NPEPPS: variants seen among roughly 807,000 people sequenced by gnomAD.
NPEPPS encodes the protein aminopeptidase puromycin sensitive.
Under a neutral mutation model 115.5 loss-of-function variants are expected in NPEPPS, and 14 were observed. That is an observed-to-expected ratio of 0.12 (90% CI 0.08 to 0.19). The LOEUF (loss-of-function observed/expected upper bound fraction) is 0.19, where lower values mean the gene tolerates loss of function less well. NPEPPS is among the 10% of genes least tolerant of loss of function. The pLI, the probability that NPEPPS is intolerant of heterozygous loss-of-function variation, is 1.00. For missense variants in NPEPPS, 523 were observed against 1,110.8 expected, an observed-to-expected ratio of 0.47 and a Z score of 7.52; for synonymous variants, 285 against 390.6, an observed-to-expected ratio of 0.73 and a Z score of 3.19.
intron 2 of NPEPPS, among the ~76,000 whole-genome samples, chr17:47,554,282 T>C (rs1273652502): frequency 6.6e-6 from 1 of 152,086 alleles, no homozygotes; most frequent in Admixed American, 6.6e-5. Flanking sequence ...TCAGGTGATC[T>C]TCCCCCCTCA....
intron 4 of NPEPPS, 147 bp downstream of exon 4, chr17:47,579,658 A>G: frequency 1.8e-6 from 1 of 554,990 alleles, no homozygotes; most frequent in South Asian, 2.1e-5. Flanking sequence ...TTTTATATTT[A>G]GCCATTATCT....
intron 5 of NPEPPS, among the ~76,000 whole-genome samples, chr17:47,584,318 G>A (rs557810091): frequency 1.8e-4 from 28 of 152,160 alleles, no homozygotes; most frequent in African/African-American, 6.5e-4. Flanking sequence ...GCGTAATGAA[G>A]TATATTTAGG....
Position 47,590,897 on chromosome 17 carries a change from TA to T in NPEPPS, c.1260+18del. 6.5e-6 allele frequency: 10 copies of T among 1,529,492 alleles called. No homozygotes were observed. Among genetic ancestry groups the T allele is most frequent in the Non-Finnish European group, 8.8e-6 (10 of 1,134,972 alleles). 94.7% of individuals were successfully genotyped at this position (1,529,492 alleles called of 1,614,324 possible). ...TCCTATTGAAGTGAGCCATACTTTC[TA>T]ACCATTAGCCTATGACTGCTCTCAT... On this transcript the variant is annotated intron_variant, in intron 10 of 22. Transcript: ENST00000322157.
At chr17:47,575,109 A>G (rs1342477549) in intron 3 of NPEPPS, among the ~76,000 whole-genome samples, 3 of 152,236 alleles carry the variant, frequency 2.0e-5, no homozygotes, top group South Asian at 2.1e-4. Context: ...AACATAGTAC[A>G]TTTACATAAT....
intron 1 of NPEPPS, among the ~76,000 whole-genome samples, chr17:47,537,894 TC>T (rs1297909598): frequency 1.3e-5 from 2 of 151,626 alleles, no homozygotes; most frequent in South Asian, 4.2e-4. Context: ...TTTTTTTTTT[TC>T]TTTTTTTTTT....
chr17:47,588,198 A>G (rs1249318415), intron 9 of NPEPPS, among the ~76,000 whole-genome samples: 1 of 152,236 alleles, frequency 6.6e-6, no homozygotes, highest in Non-Finnish European at 1.5e-5. Context: ...CAGAAAGTCA[A>G]CCCTTGAAAA....
intron 14 of NPEPPS, among the ~76,000 whole-genome samples, chr17:47,600,417 C>CA (rs1567865614): frequency 2.0e-5 from 3 of 152,236 alleles, no homozygotes; most frequent in South Asian, 2.1e-4. Flanking sequence ...GCCTGGGTGA[C>CA]ACGGCGAGAC....
intron 17 of NPEPPS, among the ~76,000 whole-genome samples, chr17:47,610,845 CTTTTTTTTTTTT>C (rs59893483): frequency 8.2e-4 from 82 of 100,084 alleles, no homozygotes; most frequent in Admixed American, 1.1e-3. Context: ...TATGATGACT[CTTTTTTTTTTTT>C]TTTTTTTTTT....
At chr17:47,545,149 TGGATACCATCACA>T (rs1909104753) in intron 1 of NPEPPS, among the ~76,000 whole-genome samples, 1 of 152,110 alleles carries the variant, frequency 6.6e-6, no homozygotes, top group African/African-American at 2.4e-5. Context: ...GGACTGTAGG[TGGATACCATCACA>T]CCCACCTAAT....
chr17:47,578,144 G>A (rs1422302034), intron 3 of NPEPPS, among the ~76,000 whole-genome samples: 1 of 149,580 alleles, frequency 6.7e-6, no homozygotes, highest in Non-Finnish European at 1.5e-5. Context: ...GGAGGCTGCA[G>A]TGAGCCGAGA....
chr17:47,559,539 T>C, intron 2 of NPEPPS: 1 of 397,646 alleles, frequency 2.5e-6, no homozygotes, highest in Non-Finnish European at 4.8e-6. Flanking sequence ...ATATGAATAG[T>C]TTGCTAGTAT....
chr17:47,538,928 T>A (rs1908546752), intron 1 of NPEPPS, among the ~76,000 whole-genome samples: 1 of 152,150 alleles, frequency 6.6e-6, no homozygotes, highest in Non-Finnish European at 1.5e-5. Context: ...ATTTCTTCCC[T>A]CTTGTATTTT....
At chr17:47,563,670 A>G (rs1910599477) in intron 2 of NPEPPS, among the ~76,000 whole-genome samples, 1 of 151,710 alleles carries the variant, frequency 6.6e-6, no homozygotes, top group Admixed American at 6.6e-5. Flanking sequence ...TCCCGAGTTC[A>G]CGCCATTTTC....
intron 15 of NPEPPS, among the ~76,000 whole-genome samples, chr17:47,602,771 G>A (rs1408551816): frequency 6.6e-6 from 1 of 151,508 alleles, no homozygotes; most frequent in Admixed American, 6.6e-5. Context: ...CTCCGGAGTA[G>A]CTAGGATTAT....
chr17:47,556,985 G>A (rs1420950370), intron 2 of NPEPPS, among the ~76,000 whole-genome samples: 1 of 152,082 alleles, frequency 6.6e-6, no homozygotes, highest in African/African-American at 2.4e-5. Flanking sequence ...CAGTTTTCTT[G>A]CTTTTTTTCT....
At chr17:47,532,642 G>A (rs1213814646) in intron 1 of NPEPPS, among the ~76,000 whole-genome samples, 1 of 130,024 alleles carries the variant, frequency 7.7e-6, no homozygotes, top group Non-Finnish European at 1.6e-5. Context: ...CTGGGCGACA[G>A]AGTGAGACTC....
At chr17:47,590,915 T>C in intron 10 of NPEPPS, 34 bp downstream of exon 10, 1 of 1,493,582 alleles carries the variant, frequency 6.7e-7, no homozygotes, top group Non-Finnish European at 9.0e-7. Context: ...AGCCTATGAC[T>C]GCTCTCATTT....
intron 1 of NPEPPS, among the ~76,000 whole-genome samples, chr17:47,536,704 C>CTTTTTTTTT (rs572115219): frequency 2.6e-5 from 2 of 76,842 alleles, no homozygotes; most frequent in Non-Finnish European, 4.6e-5. Flanking sequence ...TGCCTGGCTT[C>CTTTTTTTTT]TTTTTTTTTT....
intron 2 of NPEPPS, among the ~76,000 whole-genome samples, chr17:47,566,011 C>T (rs113407165): frequency 5.3e-5 from 8 of 152,062 alleles, no homozygotes; most frequent in African/African-American, 1.9e-4. Context: ...TCTTCTTTTT[C>T]GAGACAGGGT....
Sources: allele counts gnomAD v4.1 joint callset (sites outside exome capture counted in the v4.1 genomes callset), GRCh38; gene constraint gnomAD v4.1.1; transcripts MANE v1.5; gene names NCBI Gene and HGNC (gene_info 2026-07-23, HGNC 2026-07-21).